The following FBXL17 variants were observed in gnomAD, a reference collection of about 807,000 sequenced individuals.
FBXL17 encodes F-box/LRR-repeat protein 17.
Under a neutral mutation model 66.2 loss-of-function variants are expected in FBXL17, and 22 were observed. The ratio of observed to expected loss-of-function variants is 0.33; its 90% confidence interval spans 0.24 to 0.47. The LOEUF (loss-of-function observed/expected upper bound fraction) is 0.47. FBXL17 is among the 20% of genes least tolerant of loss of function. The probability of loss-of-function intolerance (pLI) is 1.00; values close to 1 mark genes in which losing one functional copy is unlikely to be tolerated. For missense variants in FBXL17, 878 were observed against 948.2 expected (o/e 0.93, Z 0.97); for synonymous variants, 474 against 400.5 (o/e 1.18, Z -2.19).
Position 108,175,207 on chromosome 5 carries a change from G to T in FBXL17, c.1745+10910C>A, listed in dbSNP as rs557517234. Reference sequence around the variant, plus strand: ...TCCTCTGAGCAGGGCCGTGTGTGAGGTGCTGATTGGAAGCAGGGGTGGAGG... The same window carrying T: ...TCCTCTGAGCAGGGCCGTGTGTGAGTTGCTGATTGGAAGCAGGGGTGGAGG... On this transcript the variant is annotated intron_variant, in intron 6 of 8. Transcript: ENST00000542267. Among the ~76,000 whole-genome samples, 7 of 152,258 alleles carry T rather than the reference G, an allele frequency of 4.6e-5. No individual in the cohort carries two copies. The South Asian group carries it at 1.5e-3, about 32-fold the overall frequency.
intron 3 of FBXL17, among the ~76,000 whole-genome samples, chr5:108,351,142 T>C (rs1439269170): frequency 6.6e-6 from 1 of 152,140 alleles, no homozygotes; most frequent in East Asian, 1.9e-4. Context: ...TAAAAAGACA[T>C]TTATTAATTC....
chr5:108,043,946 T>G (rs773065932), intron 6 of FBXL17, among the ~76,000 whole-genome samples: 6 of 152,214 alleles, frequency 3.9e-5, no homozygotes, highest in Non-Finnish European at 5.9e-5. Context: ...TCTTTATTTT[T>G]TAAAGTGAAT....
chr5:108,056,049 T>TTA (rs35630857), intron 6 of FBXL17, among the ~76,000 whole-genome samples: 18,163 of 152,174 alleles, frequency 0.12, 1,359 homozygotes, highest in East Asian at 0.17. Flanking sequence ...CTAAAACTAT[T>TTA]TATATATATC....
chr5:108,147,516 T>C (rs1751605775), intron 6 of FBXL17, among the ~76,000 whole-genome samples: 1 of 152,016 alleles, frequency 6.6e-6, no homozygotes, highest in Non-Finnish European at 1.5e-5. Flanking sequence ...TGAGATCCTG[T>C]CTGAAATAAA....
chr5:108,098,303 G>T (rs1749460137), intron 6 of FBXL17, among the ~76,000 whole-genome samples: 1 of 152,016 alleles, frequency 6.6e-6, no homozygotes, highest in Non-Finnish European at 1.5e-5. Flanking sequence ...GATGGTGAAG[G>T]CTGCAGTGAG....
chr5:108,052,413 TAGAC>T (rs895050317), intron 6 of FBXL17, among the ~76,000 whole-genome samples: 50 of 151,316 alleles, frequency 3.3e-4, no homozygotes, highest in African/African-American at 1.2e-3. Flanking sequence ...ACACCAACAA[TAGAC>T]AGTCAAATCA....
chr5:108,219,804 C>G (rs1754772805), intron 5 of FBXL17, among the ~76,000 whole-genome samples: 1 of 152,028 alleles, frequency 6.6e-6, no homozygotes, highest in African/African-American at 2.4e-5. Flanking sequence ...TTTTTTTGAT[C>G]AGTGTGACTA....
intron 7 of FBXL17, among the ~76,000 whole-genome samples, chr5:107,894,413 A>G (rs1236336898): frequency 6.6e-6 from 1 of 152,192 alleles, no homozygotes; most frequent in African/African-American, 2.4e-5. Flanking sequence ...AAAGTGAGGC[A>G]AAGATGGGGG....
intron 6 of FBXL17, among the ~76,000 whole-genome samples, chr5:108,111,627 C>A (rs1272090978): frequency 2.0e-5 from 3 of 152,106 alleles, no homozygotes; most frequent in African/African-American, 7.2e-5. Context: ...TTTCTAAGAC[C>A]TTCTGATCTC....
At chr5:108,376,401 T>C (rs181162417) in intron 1 of FBXL17, among the ~76,000 whole-genome samples, 78 of 152,304 alleles carry the variant, frequency 5.1e-4, no homozygotes, top group African/African-American at 1.8e-3. Flanking sequence ...CAAAAATTAA[T>C]TTTAGAGCTA....
At chr5:108,121,836 C>T (rs1424992460) in intron 6 of FBXL17, among the ~76,000 whole-genome samples, 4 of 152,088 alleles carry the variant, frequency 2.6e-5, no homozygotes, top group East Asian at 1.9e-4. Context: ...GGATTACAGG[C>T]GTGAGCCACC....
intron 5 of FBXL17, among the ~76,000 whole-genome samples, chr5:108,197,082 G>A (rs530893512): frequency 4.0e-5 from 6 of 151,528 alleles, no homozygotes; most frequent in African/African-American, 1.4e-4. Flanking sequence ...GTCTCTAATT[G>A]AGTTTTTTTC....
At chr5:107,910,305 A>G (rs551688185) in intron 7 of FBXL17, among the ~76,000 whole-genome samples, 17 of 152,208 alleles carry the variant, frequency 1.1e-4, no homozygotes, top group Non-Finnish European at 2.5e-4. Flanking sequence ...TTAATGAGTG[A>G]TAAATTATAA....
At chr5:108,359,862 T>C (rs1748232930) in intron 3 of FBXL17, among the ~76,000 whole-genome samples, 1 of 152,104 alleles carries the variant, frequency 6.6e-6, no homozygotes, top group African/African-American at 2.4e-5. Flanking sequence ...TTCCTAGTTG[T>C]GCTATTCATT....
At chr5:108,375,396 A>AC (rs1453888542) in intron 1 of FBXL17, among the ~76,000 whole-genome samples, 3 of 110,936 alleles carry the variant, frequency 2.7e-5, no homozygotes, top group Non-Finnish European at 6.1e-5. Flanking sequence ...CACACACACA[A>AC]AATTGGCTAG....
intron 6 of FBXL17, among the ~76,000 whole-genome samples, chr5:108,053,626 G>A (rs942155404): frequency 2.0e-5 from 3 of 152,170 alleles, no homozygotes; most frequent in African/African-American, 7.2e-5. Context: ...TGGTGGTGAA[G>A]CTGTGGATAA....
chr5:108,220,946 T>C (rs1754838138), intron 5 of FBXL17, among the ~76,000 whole-genome samples: 1 of 152,184 alleles, frequency 6.6e-6, no homozygotes, highest in African/African-American at 2.4e-5. Context: ...TAACTGTAAA[T>C]GTAGACCTCA....
chr5:108,015,624 T>C (rs1246935751), intron 7 of FBXL17, among the ~76,000 whole-genome samples: 1 of 152,210 alleles, frequency 6.6e-6, no homozygotes, highest in Non-Finnish European at 1.5e-5. Context: ...TTTTCTTGAA[T>C]AATTTATCAG....
intron 6 of FBXL17, among the ~76,000 whole-genome samples, chr5:108,082,068 G>A (rs1748793571): frequency 6.6e-6 from 1 of 152,126 alleles, no homozygotes; most frequent in Non-Finnish European, 1.5e-5. Context: ...ACCAAGAAGT[G>A]CACAGACTCA....
Sources: allele counts gnomAD v4.1 joint callset (sites outside exome capture counted in the v4.1 genomes callset), GRCh38; gene constraint gnomAD v4.1.1; transcripts MANE v1.5; gene names NCBI Gene and HGNC (gene_info 2026-07-23, HGNC 2026-07-21).